Variants in JADE3 observed in about 807,000 individuals in gnomAD.
JADE3 encodes the protein protein Jade-3.
Under a neutral mutation model 50.1 loss-of-function variants are expected in JADE3, and 2 were observed. The ratio of observed to expected loss-of-function variants is 0.04; its 90% confidence interval spans 0.02 to 0.13. JADE3 has a LOEUF of 0.13. Ranked by LOEUF, JADE3 falls within the 10% of genes least tolerant of loss-of-function variation. The pLI is 1.00. For missense variants in JADE3, 475 were observed against 634.4 expected (o/e 0.75, Z 2.70); for synonymous variants, 218 against 232.9 (o/e 0.94, Z 0.58).
At chrX:47,052,633 CAAAAAAA>C (rs1195947563) in intron 8 of JADE3, among the ~76,000 whole-genome samples, 13 of 18,926 alleles carry the variant, frequency 6.9e-4, no homozygotes, top group South Asian at 4.1e-3. Context: ...GACTCTGTCT[CAAAAAAA>C]AAAAAAAAAA....
At chrX:46,947,496 A>G (rs1372885370) in intron 1 of JADE3, among the ~76,000 whole-genome samples, 1 of 111,437 alleles carries the variant, frequency 9.0e-6, no homozygotes, top group Non-Finnish European at 1.9e-5. Context: ...TTTCCATCCT[A>G]AGTAGAATAT....
At chrX:46,937,526 A>G (rs952740761) in intron 1 of JADE3, among the ~76,000 whole-genome samples, 3 of 111,977 alleles carry the variant, frequency 2.7e-5, no homozygotes, top group Non-Finnish European at 5.6e-5. Flanking sequence ...GGATTTTTCT[A>G]TTATTTTAGA....
At chrX:46,928,123 G>A (rs782086597) in intron 1 of JADE3, among the ~76,000 whole-genome samples, 1 of 111,766 alleles carries the variant, frequency 8.9e-6, no homozygotes, top group Non-Finnish European at 1.9e-5. Context: ...CCTCTGGACT[G>A]TTTCTGCACT....
At chrX:47,045,633 C>T (rs1443991688) in intron 8 of JADE3, among the ~76,000 whole-genome samples, 1 of 112,105 alleles carries the variant, frequency 8.9e-6, no homozygotes, top group African/African-American at 3.2e-5. Flanking sequence ...CAAGGATAGA[C>T]CATGTGTCAG....
chrX:46,937,189 G>C (rs782506801), intron 1 of JADE3, among the ~76,000 whole-genome samples: 3 of 111,702 alleles, frequency 2.7e-5, no homozygotes, highest in African/African-American at 9.7e-5. Flanking sequence ...TCTTTGATTC[G>C]TGGATTATTT....
chrX:46,942,842 A>G (rs915373491), intron 1 of JADE3, among the ~76,000 whole-genome samples: 1 of 111,994 alleles, frequency 8.9e-6, no homozygotes, highest in Non-Finnish European at 1.9e-5. Flanking sequence ...TGAGCATGGC[A>G]TGTTTTTTCA....
chrX:46,925,438 G>A (rs1556338646), intron 1 of JADE3, among the ~76,000 whole-genome samples: 1 of 112,427 alleles, frequency 8.9e-6, no homozygotes, highest in Non-Finnish European at 1.9e-5. Context: ...TCACTTTATA[G>A]TATAGCTATT....
At position 46,912,458 on chromosome X, in the gene JADE3, A is replaced by AGCC. The variant is rs1189205209; in HGVS notation, c.-260_-258dup. The AGCC allele has an allele frequency of 5.5e-4, 62 of 111,966 alleles. No homozygotes were observed. Among genetic ancestry groups the AGCC allele is most frequent in the African/African-American group, 1.6e-3 (48 of 30,920 alleles). The allele number at this position is 111,966 out of a possible 1,213,427, so 9.2% of individuals were successfully genotyped here. ...ATACAATAGTGCTCCGCGCCGCCTC[A>AGCC]GCCGCCGCCGCCGCCCAACCGCCTG... On this transcript the variant is annotated 5_prime_UTR_variant, in exon 1 of 11. Coordinates refer to ENST00000614628, the MANE Select transcript of JADE3 (RefSeq NM_014735.5).
chrX:47,059,114 G>A lies in JADE3; in HGVS notation c.*37G>A. 9.5e-7 allele frequency: 1 copy of A among 1,052,382 alleles called. No homozygotes were observed. Among genetic ancestry groups the A allele is most frequent in the Non-Finnish European group, 1.3e-6 (1 of 785,898 alleles). 86.7% of individuals were successfully genotyped at this position (1,052,382 alleles called of 1,213,427 possible). A position where few individuals can be genotyped will look rare whatever the true frequency, so the allele number is the denominator to read the frequency against. ...CAAGGATGACCCAACCTTTGCCTTT[G>A]CCCCATATATTGGGGAAAACCCATA... On this transcript the variant is annotated 3_prime_UTR_variant, in exon 11 of 11. Transcript: ENST00000614628.
intron 4 of JADE3, among the ~76,000 whole-genome samples, chrX:47,004,849 A>G (rs1208506751): frequency 3.6e-5 from 4 of 112,578 alleles, no homozygotes; most frequent in Non-Finnish European, 7.5e-5. Context: ...TTGAATTTAC[A>G]TGTATAGAAT....
At chrX:47,028,497 A>C (rs1928952150) in intron 6 of JADE3, among the ~76,000 whole-genome samples, 1 of 109,583 alleles carries the variant, frequency 9.1e-6, no homozygotes, top group Non-Finnish European at 1.9e-5. Context: ...TACACTTCCT[A>C]CAAATAGAAG....
chrX:46,944,394 C>T (rs1241966391), intron 1 of JADE3, among the ~76,000 whole-genome samples: 1 of 108,479 alleles, frequency 9.2e-6, no homozygotes, highest in Admixed American at 9.9e-5. Context: ...CAACCTCCGC[C>T]TCCTGGGTTC....
intron 3 of JADE3, among the ~76,000 whole-genome samples, chrX:46,987,775 G>C (rs1481059195): frequency 8.9e-6 from 1 of 112,015 alleles, no homozygotes; most frequent in Non-Finnish European, 1.9e-5. Context: ...GCAATTCAAG[G>C]GCTTTGGGTT....
intron 1 of JADE3, among the ~76,000 whole-genome samples, chrX:46,917,293 T>G (rs1461512572): frequency 9.0e-6 from 1 of 111,106 alleles, no homozygotes; most frequent in Non-Finnish European, 1.9e-5. Context: ...AAATATCTAA[T>G]TGCACTAAGA....
chrX:46,998,372 A>G, intron 4 of JADE3, 95 bp downstream of exon 4: 1 of 795,770 alleles, frequency 1.3e-6, no homozygotes, highest in Admixed American at 2.6e-5. Context: ...TTATGCATTT[A>G]TAGTACAAAG....
intron 1 of JADE3, among the ~76,000 whole-genome samples, chrX:46,984,524 C>T (rs1299572268): frequency 2.7e-5 from 3 of 111,888 alleles, no homozygotes; most frequent in Non-Finnish European, 5.6e-5. Context: ...CTGACCTGTT[C>T]GTCTCTTATT....
chrX:46,953,914 C>T (rs1479092855), intron 1 of JADE3, among the ~76,000 whole-genome samples: 1 of 111,459 alleles, frequency 9.0e-6, no homozygotes, highest in Non-Finnish European at 1.9e-5. Flanking sequence ...CAACCCCTTT[C>T]TCCTCCTCCC....
At chrX:46,936,655 T>A (rs921087154) in intron 1 of JADE3, among the ~76,000 whole-genome samples, 3 of 111,151 alleles carry the variant, frequency 2.7e-5, no homozygotes, top group Admixed American at 9.6e-5. Flanking sequence ...GTTATGGGAG[T>A]ATTCAGGTTA....
At chrX:47,048,329 A>C (rs373913318) in intron 8 of JADE3, among the ~76,000 whole-genome samples, 10 of 111,762 alleles carry the variant, frequency 8.9e-5, no homozygotes, top group African/African-American at 3.3e-4. Context: ...TTTTTAGACA[A>C]GGTTATCCTT....
Sources: allele counts gnomAD v4.1 joint callset (sites outside exome capture counted in the v4.1 genomes callset), GRCh38; gene constraint gnomAD v4.1.1; transcripts MANE v1.5; gene names NCBI Gene and HGNC (gene_info 2026-07-23, HGNC 2026-07-21).